GNA14: variants seen among roughly 807,000 people sequenced by gnomAD.
GNA14 encodes G protein subunit alpha 14, also known as guanine nucleotide-binding protein subunit alpha-14.
In GNA14, 50 loss-of-function variants were observed where a neutral mutation model predicts 42.0. The observed-to-expected ratio is 1.19, with a 90% CI of 0.95 to 1.51. The LOEUF (loss-of-function observed/expected upper bound fraction) is 1.51, where lower values mean the gene tolerates loss of function less well. GNA14 is among the 40% of genes most tolerant of loss of function. The pLI, the probability that GNA14 is intolerant of heterozygous loss-of-function variation, is 0.00. For missense variants in GNA14, 473 were observed against 446.2 expected (o/e 1.06, Z -0.54); for synonymous variants, 173 against 163.1 (o/e 1.06, Z -0.46).
intron 2 of GNA14, among the ~76,000 whole-genome samples, chr9:77,498,232 G>T (rs112371957): frequency 1.2e-3 from 182 of 152,032 alleles, no homozygotes; most frequent in African/African-American, 4.1e-3. Context: ...AATTAGTCGG[G>T]GGTGATGGTG....
At chr9:77,479,779 T>G (rs1042095298) in intron 2 of GNA14, among the ~76,000 whole-genome samples, 4 of 152,178 alleles carry the variant, frequency 2.6e-5, no homozygotes, top group African/African-American at 9.7e-5. Flanking sequence ...CCTTGTAAGT[T>G]GGATTCCTAG....
chr9:77,577,563 T>C (rs1216705886), intron 1 of GNA14, among the ~76,000 whole-genome samples: 1 of 152,210 alleles, frequency 6.6e-6, no homozygotes, highest in Non-Finnish European at 1.5e-5. Flanking sequence ...CAGTGAGACA[T>C]GACTTCTGTT....
At chr9:77,586,302 C>G (rs1482773438) in intron 1 of GNA14, among the ~76,000 whole-genome samples, 3 of 152,002 alleles carry the variant, frequency 2.0e-5, no homozygotes, top group African/African-American at 7.2e-5. Context: ...TCTCTCACAA[C>G]AACAAAAAGA....
intron 1 of GNA14, among the ~76,000 whole-genome samples, chr9:77,535,411 G>C (rs1005055333): frequency 6.6e-6 from 1 of 152,164 alleles, no homozygotes; most frequent in Non-Finnish European, 1.5e-5. Context: ...GGGTGTGGTG[G>C]CGGGCGCCTG....
At position 77,577,212 on chromosome 9, in the gene GNA14, A is replaced by G. The variant is rs72732766; in HGVS notation, c.125-47959T>C. Among the ~76,000 whole-genome samples the G allele has an allele frequency of 6.0e-3, 921 of 152,304 alleles. 8 individuals carry two copies. The highest frequency in any genetic ancestry group is 0.018 in the African/African-American group (762 of 41,556). On this transcript the variant is annotated intron_variant, in intron 1 of 6. Coordinates refer to ENST00000341700, the MANE Select transcript of GNA14 (RefSeq NM_004297.4). ...TACTCAAGAATTCATTTTACTTACA[A>G]CCAAGCTAAATGAGCTTGGACACCT...
At chr9:77,491,771 A>G (rs576616803) in intron 2 of GNA14, among the ~76,000 whole-genome samples, 256 of 152,352 alleles carry the variant, frequency 1.7e-3, no homozygotes, top group African/African-American at 5.8e-3. Flanking sequence ...CAGAAAATCA[A>G]CAAAGAAACA....
At chr9:77,600,191 T>G (rs1823534663) in intron 1 of GNA14, among the ~76,000 whole-genome samples, 1 of 152,230 alleles carries the variant, frequency 6.6e-6, no homozygotes, top group Admixed American at 6.5e-5. Flanking sequence ...AAGCCCAGAT[T>G]TGATTCTGAT....
At chr9:77,466,895 T>G (rs564148745) in intron 2 of GNA14, among the ~76,000 whole-genome samples, 376 of 152,204 alleles carry the variant, frequency 2.5e-3, no homozygotes, top group Non-Finnish European at 4.5e-3. Context: ...TTTCTCCCCT[T>G]CACTTCCTAG....
intron 2 of GNA14, among the ~76,000 whole-genome samples, chr9:77,523,326 C>A (rs183709139): frequency 1.6e-4 from 24 of 152,062 alleles, no homozygotes; most frequent in African/African-American, 5.8e-4. Context: ...CAATCATGGC[C>A]GAAGGTGAAG....
At chr9:77,493,995 A>C (rs1214270261) in intron 2 of GNA14, among the ~76,000 whole-genome samples, 4 of 152,194 alleles carry the variant, frequency 2.6e-5, no homozygotes, top group African/African-American at 9.6e-5. Flanking sequence ...ATCTTGGCTC[A>C]CAGCAACCTC....
intron 1 of GNA14, among the ~76,000 whole-genome samples, chr9:77,596,096 T>A (rs1385593208): frequency 1.3e-5 from 2 of 152,118 alleles, no homozygotes; most frequent in African/African-American, 4.8e-5. Context: ...CACATGCTTC[T>A]GAACATAAAA....
intron 2 of GNA14, among the ~76,000 whole-genome samples, chr9:77,464,160 C>G (rs1836169273): frequency 1.3e-5 from 2 of 152,010 alleles, no homozygotes. Flanking sequence ...GCCACCAAGT[C>G]CGGCTAATTT....
chr9:77,541,925 T>G (rs1200881533), intron 1 of GNA14, among the ~76,000 whole-genome samples: 1 of 152,196 alleles, frequency 6.6e-6, no homozygotes, highest in Non-Finnish European at 1.5e-5. Context: ...GGGAAATTTC[T>G]CATTCATATC....
intron 2 of GNA14, among the ~76,000 whole-genome samples, chr9:77,465,080 C>G (rs1836198286): frequency 6.6e-6 from 1 of 152,172 alleles, no homozygotes; most frequent in African/African-American, 2.4e-5. Context: ...TGATTTTGGA[C>G]TTCTAGCTTC....
chr9:77,573,483 A>G (rs2440230), intron 1 of GNA14, among the ~76,000 whole-genome samples: 76,133 of 151,738 alleles, frequency 0.5, 22,346 homozygotes, highest in East Asian at 0.83. Context: ...AAAAATAATA[A>G]ATAAATAAAT....
Position 77,590,723 on chromosome 9 carries a change from A to C in GNA14, c.124+56947T>G, listed in dbSNP as rs142360694. ...AGGTCACACATTAAAAAAAAAAAAT[A>C]AGATTATGACAAAGTTATTAGGAAG... On this transcript the variant is annotated intron_variant, in intron 1 of 6. Coordinates refer to ENST00000341700, the MANE Select transcript of GNA14 (RefSeq NM_004297.4). Among the ~76,000 whole-genome samples, 885 of 152,044 alleles carry C rather than the reference A, an allele frequency of 5.8e-3. 8 individuals carry two copies. The highest frequency in any genetic ancestry group is 0.02 in the African/African-American group (834 of 41,410).
At chr9:77,519,429 TAAAAC>T (rs1197767926) in intron 2 of GNA14, among the ~76,000 whole-genome samples, 3 of 151,960 alleles carry the variant, frequency 2.0e-5, no homozygotes, top group African/African-American at 4.8e-5. Context: ...AAAAAAAAAT[TAAAAC>T]AAAACCAAAG....
At chr9:77,430,126 C>G (rs918922571) in intron 4 of GNA14, among the ~76,000 whole-genome samples, 1 of 152,164 alleles carries the variant, frequency 6.6e-6, no homozygotes, top group Non-Finnish European at 1.5e-5. Flanking sequence ...AGCAGGGAAC[C>G]GATCTTGAAA....
At chr9:77,577,994 G>A (rs1039182228) in intron 1 of GNA14, among the ~76,000 whole-genome samples, 6 of 152,140 alleles carry the variant, frequency 3.9e-5, no homozygotes, top group East Asian at 1.9e-4. Flanking sequence ...TTGGCCAGGC[G>A]CGGTGGCTCA....
Sources: gnomAD v4.1 joint callset for allele counts (sites outside exome capture counted in the v4.1 genomes callset) on GRCh38, gnomAD v4.1.1 for gene constraint, MANE v1.5 for transcripts, NCBI Gene and HGNC (gene_info 2026-07-23, HGNC 2026-07-21) for gene names.